The following EDRF1 variants were observed in gnomAD, a reference collection of about 807,000 sequenced individuals.
EDRF1 encodes erythroid differentiation-related factor 1.
Under a neutral mutation model 148.7 loss-of-function variants are expected in EDRF1, and 69 were observed. The observed-to-expected ratio is 0.46, with a 90% CI of 0.38 to 0.57. The LOEUF is 0.57. Ranked by LOEUF, EDRF1 falls within the 20% of genes least tolerant of loss-of-function variation. EDRF1 has a pLI of 0.00. For missense variants in EDRF1, 1,118 were observed against 1,478.7 expected (o/e 0.76, Z 4.00); for synonymous variants, 515 against 532.8 (o/e 0.97, Z 0.46).
At position 125,719,900 on chromosome 10, in the gene EDRF1, G is replaced by C. The variant is rs369793672; in HGVS notation, c.93G>C (p.Glu31Asp). The change falls in exon 1 of 25, where the codon GAG becomes GAC. Residue 31 changes from glutamate to aspartate, a missense_variant. Glu to Asp is a conservative substitution (Grantham distance 45, BLOSUM62 2). Around this residue, in one of 3 missense-constraint regions of EDRF1, gnomAD observed 65 missense variants for 50.3 expected, o/e 1.29. Transcript: ENST00000356792. ...GLSLLSQGES[E>D]ESSAQGSALF... Reference sequence around the variant, plus strand: ...GCCTCCTGTCCCAGGGAGAATCCGAGGAATCTTCTGCACAGGTGAGTCCTC... The same window carrying C: ...GCCTCCTGTCCCAGGGAGAATCCGACGAATCTTCTGCACAGGTGAGTCCTC... 4 of 1,613,124 alleles carry C rather than the reference G, an allele frequency of 2.5e-6. No homozygotes were observed. The African/African-American group carries it at 5.3e-5, about 22-fold the overall frequency.
intron 24 of EDRF1, among the ~76,000 whole-genome samples, chr10:125,759,616 A>C (rs1446057729): frequency 1.3e-5 from 2 of 152,130 alleles, no homozygotes; most frequent in South Asian, 2.1e-4. Context: ...AGACAGAGCA[A>C]AACCCAACTC....
intron 24 of EDRF1, 65 bp downstream of exon 24, chr10:125,753,910 C>A: frequency 6.4e-7 from 1 of 1,567,800 alleles, no homozygotes; most frequent in Non-Finnish European, 8.8e-7. Flanking sequence ...ATTTTCTCTA[C>A]TAACATCATA....
rs1211029708 is a variant in EDRF1, at chr10:125,743,564, C to A, written c.2590+288C>A. On this transcript the variant is annotated intron_variant, in intron 18 of 24. Coordinates refer to ENST00000356792, the MANE Select transcript of EDRF1 (RefSeq NM_001202438.2). ...GCCAGGCTCTATGTTGGATATGTAA[C>A]TGGCTAAAATATGGTTCTCTCTTCA... Among the ~76,000 whole-genome samples the A allele has an allele frequency of 2.6e-5, 4 of 152,176 alleles. No homozygotes were observed. The East Asian group carries it at 7.7e-4, about 29-fold the overall frequency.
chr10:125,743,276 GGT>G lies in EDRF1; in HGVS notation c.2590+2_2590+3del. The G allele has an allele frequency of 6.2e-7, 1 of 1,606,764 alleles. No individual in the cohort carries two copies. Among genetic ancestry groups the G allele is most frequent in the Non-Finnish European group, 8.5e-7 (1 of 1,173,628 alleles). ...TGCTGCATTACAGAGTGAGAGACTA[GGT>G]GAGTATCTCTTTAGATTCCTCTCTA... On this transcript the variant is annotated splice_donor_variant, in intron 18 of 24. Coordinates refer to ENST00000356792, the MANE Select transcript of EDRF1 (RefSeq NM_001202438.2). LOFTEE classifies it high-confidence loss of function.
intron 24 of EDRF1, among the ~76,000 whole-genome samples, chr10:125,762,481 G>A (rs868511755): frequency 1.3e-5 from 2 of 148,210 alleles, no homozygotes; most frequent in Admixed American, 6.6e-5. Flanking sequence ...TCTCCACCTG[G>A]ACTCATTTAA....
intron 3 of EDRF1, 87 bp downstream of exon 3, chr10:125,723,221 G>T (rs1048297361): frequency 1.9e-5 from 22 of 1,176,566 alleles, no homozygotes; most frequent in Non-Finnish European, 2.7e-5. Flanking sequence ...TAATATAAAT[G>T]TGCAAGTCTT....
intron 13 of EDRF1, among the ~76,000 whole-genome samples, chr10:125,736,480 C>A (rs1036321406): frequency 6.6e-6 from 1 of 152,144 alleles, no homozygotes; most frequent in Non-Finnish European, 1.5e-5. Flanking sequence ...TTTCAACATA[C>A]CGTCTCCCTA....
rs752808531 is a variant in EDRF1 at position 125,753,724 on chromosome 10, G to A, written c.3424G>A (p.Asp1142Asn). The change falls in exon 24 of 25, where the codon GAT becomes AAT. Residue 1142 changes from aspartate to asparagine, a missense_variant. Around this residue, in one of 3 missense-constraint regions of EDRF1, gnomAD observed 954 missense variants for 1,241.4 expected, o/e 0.77. Coordinates refer to ENST00000356792, the MANE Select transcript of EDRF1 (RefSeq NM_001202438.2). Reference protein sequence around the residue: ...PKSGDAAAAADASPSLNREEV... With the variant: ...PKSGDAAAAANASPSLNREEV... ...GAGTGGTGACGCCGCTGCAGCTGCT[G>A]ATGCTTCTCCTAGTCTCAATCGAGA... 3 of 1,613,896 alleles carry A rather than the reference G, an allele frequency of 1.9e-6. No homozygotes were observed. In the African/African-American group the frequency reaches 4.0e-5, roughly 22 times the overall value.
chr10:125,751,403 TG>T (rs367879146), intron 22 of EDRF1, among the ~76,000 whole-genome samples: 2,148 of 73,092 alleles, frequency 0.029, 49 homozygotes, highest in East Asian at 0.24. Flanking sequence ...TTTTACCCAG[TG>T]TTTTTTTTTT....
Position 125,745,788 on chromosome 10 carries a change from AATCAATTG to A in EDRF1, c.2674_2681del (p.Ser892GlyfsTer11). 1 of 1,614,240 alleles carries A rather than the reference AATCAATTG, an allele frequency of 6.2e-7. No individual in the cohort carries two copies. Among genetic ancestry groups the A allele is most frequent in the Non-Finnish European group, 8.5e-7 (1 of 1,180,036 alleles). On this transcript the variant is annotated frameshift_variant, in exon 19 of 25. Transcript: ENST00000356792. LOFTEE classifies it high-confidence loss of function. ...TTTGAAAAGGGAATTCACAACTTTG[AATCAATTG>A]AGGATGCCACCAATGCCGCCCTTTT...
chr10:125,741,611 G>A (rs1849023158), intron 17 of EDRF1: 1 of 220,478 alleles, frequency 4.5e-6, no homozygotes, highest in African/African-American at 2.3e-5. Context: ...TGGTTTTTAA[G>A]TATTTTATAA....
At chr10:125,733,822 CAAGGCTTTTAAATGCTT>C in intron 11 of EDRF1, 79 bp downstream of exon 11, 1 of 1,353,754 alleles carries the variant, frequency 7.4e-7, no homozygotes. Flanking sequence ...GTTTCCAAAC[CAAGGCTTTTAAATGCTT>C]TTAGGTTTTC....
In EDRF1 at chr10:125,728,961, T is replaced by C. The variant is rs542760669; in HGVS notation, c.793-42T>C. ...TCAAAAGTGGGTCAATTTTAAGAAA[T>C]GTTGACAGCAGAATCACTCCTTATC... On this transcript the variant is annotated intron_variant, in intron 6 of 24. Coordinates refer to ENST00000356792, the MANE Select transcript of EDRF1 (RefSeq NM_001202438.2). 40 of 1,456,866 alleles carry C rather than the reference T, an allele frequency of 2.7e-5. No homozygotes were observed. The African/African-American group carries it at 5.4e-4, about 20-fold the overall frequency. The allele number at this position is 1,456,866 out of a possible 1,614,324, so 90.2% of individuals were successfully genotyped here.
At chr10:125,749,290 A>T in intron 21 of EDRF1, 122 bp from the exon 22 acceptor site, 1 of 1,131,102 alleles carries the variant, frequency 8.8e-7, no homozygotes, top group Non-Finnish European at 1.3e-6. Context: ...ACCTAAATAT[A>T]AAAGCTAAAA....
chr10:125,728,666 G>C (rs191323023), intron 6 of EDRF1, among the ~76,000 whole-genome samples: 1 of 152,188 alleles, frequency 6.6e-6, no homozygotes, highest in Non-Finnish European at 1.5e-5. Flanking sequence ...CAGTTTCTTA[G>C]GAATTTTTAA....
At chr10:125,751,673 C>G (rs1183302969) in intron 22 of EDRF1, among the ~76,000 whole-genome samples, 1 of 152,222 alleles carries the variant, frequency 6.6e-6, no homozygotes, top group Non-Finnish European at 1.5e-5. Context: ...ACCATTGTCA[C>G]TTCTCACACT....
chr10:125,763,883 ACCT>A lies in EDRF1; in HGVS notation c.*415_*417del, dbSNP rs1410451107. ...TTACAGGTTCAAGTGGGTTAAGGAG[ACCT>A]CCTGTACATCTACAGTGTTTCCTTT... is the stretch of plus-strand genomic sequence containing the variant. On this transcript the variant is annotated 3_prime_UTR_variant, in exon 25 of 25. Transcript: ENST00000356792. This position sits in a 1 kb window ranked among gnomAD's most constrained non-coding sequence, Gnocchi z 4.3. The A allele has an allele frequency of 4.7e-5, 11 of 232,542 alleles. No homozygotes were observed. The highest frequency in any genetic ancestry group is 2.3e-4 in the African/African-American group (10 of 43,530). The allele number at this position is 232,542 out of a possible 1,614,324, so 14.4% of individuals were successfully genotyped here.
rs879867479 is a variant in EDRF1, at chr10:125,763,803, T to C, written c.*331T>C. ...TGTCAAGCTACACGGGTCTAAGATATGATTATTTTGGATAAAATGTTACTT... is the reference window on the plus strand; with the variant it reads ...TGTCAAGCTACACGGGTCTAAGATACGATTATTTTGGATAAAATGTTACTT... On this transcript the variant is annotated 3_prime_UTR_variant, in exon 25 of 25. Transcript: ENST00000356792. This position sits in a 1 kb window ranked among gnomAD's most constrained non-coding sequence, Gnocchi z 4.3. 5.8e-5 allele frequency: 20 copies of C among 342,346 alleles called. No individual in the cohort carries two copies. The highest frequency in any genetic ancestry group is 3.7e-4 in the Admixed American group (8 of 21,500). The allele number at this position is 342,346 out of a possible 1,614,324, so 21.2% of individuals were successfully genotyped here.
intron 24 of EDRF1, among the ~76,000 whole-genome samples, chr10:125,760,875 A>G (rs1162529070): frequency 2.0e-5 from 3 of 152,242 alleles, no homozygotes; most frequent in African/African-American, 7.2e-5. Context: ...AACTATTTAT[A>G]TGGCATTGAC....
Sources: gnomAD v4.1 joint callset for allele counts (sites outside exome capture counted in the v4.1 genomes callset) on GRCh38, gnomAD v4.1.1 for gene constraint, gnomAD v4.1.1 regional missense constraint, Gnocchi (gnomAD v3.1) non-coding constraint, MANE v1.5 for transcripts, NCBI Gene and HGNC (gene_info 2026-07-23, HGNC 2026-07-21) for gene names.